The following GLCCI1 variants were observed in gnomAD, a reference collection of about 807,000 sequenced individuals.
GLCCI1 encodes glucocorticoid-induced transcript 1 protein.
A neutral mutation model predicts 52.2 loss-of-function variants in GLCCI1; 24 were observed. The observed-to-expected ratio is 0.46, with a 90% CI of 0.33 to 0.65. GLCCI1 has a LOEUF of 0.65. Ranked by LOEUF, GLCCI1 falls within the 30% of genes least tolerant of loss-of-function variation. GLCCI1 has a pLI of 0.02. For synonymous variants in GLCCI1, 310 were observed against 276.5 expected (o/e 1.12, Z -1.20); for missense variants, 704 against 701.5 (o/e 1.00, Z -0.04).
rs56765271 is a variant in GLCCI1, at chr7:8,080,862, A to G, written c.1178-4035A>G. 3.8e-3 allele frequency among the ~76,000 whole-genome samples: 519 copies of G among 135,460 alleles called. 3 individuals are homozygous for G. The highest frequency in any genetic ancestry group is 0.013 in the African/African-American group (483 of 36,174). 88.9% of individuals were successfully genotyped at this position (135,460 alleles called of 152,430 possible). The stretch of plus-strand genomic sequence containing the variant: ...TGGGGTTTTTTTTTTTTTTTTGTAG[A>G]GAGGGTTTCCCCATGTTGGCCAGGT... On this transcript the variant is annotated intron_variant, in intron 6 of 7. Coordinates refer to ENST00000223145, the MANE Select transcript of GLCCI1 (RefSeq NM_138426.4).
At chr7:8,071,342 C>T (rs1438038690) in intron 6 of GLCCI1, among the ~76,000 whole-genome samples, 10 of 151,976 alleles carry the variant, frequency 6.6e-5, no homozygotes, top group Non-Finnish European at 1.5e-4. Flanking sequence ...AGAAGCACAG[C>T]GCATGGTTCT....
At chr7:8,049,454 T>A (rs911870782) in intron 3 of GLCCI1, among the ~76,000 whole-genome samples, 1 of 152,088 alleles carries the variant, frequency 6.6e-6, no homozygotes, top group African/African-American at 2.4e-5. Flanking sequence ...TAAAAATACA[T>A]ATATTATTTA....
intron 6 of GLCCI1, among the ~76,000 whole-genome samples, chr7:8,074,482 A>C (rs1290673613): frequency 6.6e-6 from 1 of 152,202 alleles, no homozygotes; most frequent in East Asian, 1.9e-4. Flanking sequence ...TCAGGAGTTA[A>C]AGACCAGCCT....
intron 5 of GLCCI1, among the ~76,000 whole-genome samples, chr7:8,068,066 T>A (rs925503191): frequency 1.3e-5 from 2 of 152,108 alleles, no homozygotes; most frequent in Admixed American, 6.5e-5. Context: ...TTAAAAAAAA[T>A]TTTGGCTAGG....
At chr7:7,995,509 C>T (rs1246468223) in intron 1 of GLCCI1, among the ~76,000 whole-genome samples, 1 of 152,142 alleles carries the variant, frequency 6.6e-6, no homozygotes, top group Non-Finnish European at 1.5e-5. Context: ...CCCAAATGTC[C>T]ATCAATGATA....
At chr7:8,013,510 A>T (rs1781312376) in intron 2 of GLCCI1, among the ~76,000 whole-genome samples, 1 of 152,168 alleles carries the variant, frequency 6.6e-6, no homozygotes, top group Non-Finnish European at 1.5e-5. Context: ...TTGTATGGCT[A>T]GTCTTGCGTA....
chr7:7,971,994 A>G (rs1412655504), intron 1 of GLCCI1, among the ~76,000 whole-genome samples: 1 of 152,092 alleles, frequency 6.6e-6, no homozygotes, highest in Non-Finnish European at 1.5e-5. Context: ...CCGTGATTAT[A>G]TTACTCCTAT....
At chr7:7,999,078 C>T (rs1372545852) in intron 1 of GLCCI1, among the ~76,000 whole-genome samples, 1 of 151,778 alleles carries the variant, frequency 6.6e-6, no homozygotes, top group Non-Finnish European at 1.5e-5. Context: ...CCAATAGGGA[C>T]ACTTAGTAAA....
intron 3 of GLCCI1, among the ~76,000 whole-genome samples, chr7:8,039,479 C>A (rs770185660): frequency 6.6e-6 from 1 of 152,102 alleles, no homozygotes; most frequent in South Asian, 2.1e-4. Context: ...GAAATCATGT[C>A]TTTTGTAGCA....
intron 5 of GLCCI1, among the ~76,000 whole-genome samples, chr7:8,066,728 G>A (rs1782639269): frequency 6.6e-6 from 1 of 151,770 alleles, no homozygotes; most frequent in Admixed American, 6.6e-5. Context: ...AATTTTTATT[G>A]TACTGTGGTC....
At chr7:8,066,796 T>G (rs922462693) in intron 5 of GLCCI1, among the ~76,000 whole-genome samples, 3 of 152,176 alleles carry the variant, frequency 2.0e-5, no homozygotes, top group African/African-American at 7.2e-5. Flanking sequence ...TTGTTTTATG[T>G]CCATTCGTGT....
chr7:7,985,096 T>C (rs144739529), intron 1 of GLCCI1, among the ~76,000 whole-genome samples: 303 of 152,358 alleles, frequency 2.0e-3, no homozygotes, highest in African/African-American at 6.9e-3. Flanking sequence ...GAGCAGTAAG[T>C]AAGCATAATT....
At chr7:7,974,093 GGTT>G in intron 1 of GLCCI1, among the ~76,000 whole-genome samples, 1 of 152,030 alleles carries the variant, frequency 6.6e-6, no homozygotes, top group Non-Finnish European at 1.5e-5. Context: ...TAAAGAGACA[GGTT>G]TCACATACTG....
chr7:8,037,903 A>G (rs1781902437), intron 3 of GLCCI1, among the ~76,000 whole-genome samples: 1 of 152,260 alleles, frequency 6.6e-6, no homozygotes, highest in Non-Finnish European at 1.5e-5. Context: ...AGATACTGCT[A>G]TACTTAAGAA....
intron 3 of GLCCI1, among the ~76,000 whole-genome samples, chr7:8,052,563 A>G (rs1782282606): frequency 6.6e-6 from 1 of 152,202 alleles, no homozygotes; most frequent in African/African-American, 2.4e-5. Context: ...GACCTTAACT[A>G]CTGTGTGTAA....
At chr7:7,981,458 G>T in intron 1 of GLCCI1, 1 of 198,074 alleles carries the variant, frequency 5.0e-6, no homozygotes, top group Non-Finnish European at 1.0e-5. Flanking sequence ...AAGTAGCTGG[G>T]ACTACAGGCG....
In GLCCI1 at chr7:8,088,510, A is replaced by G. The variant is rs934159326; in HGVS notation, c.*1972A>G. On this transcript the variant is annotated 3_prime_UTR_variant, in exon 8 of 8. Transcript: ENST00000223145. Reference sequence around the variant, plus strand: ...AATAATCTCAGGCCTTGATGAAAATACTATATTTTGTAGATTATGGTTAAA... The same window carrying G: ...AATAATCTCAGGCCTTGATGAAAATGCTATATTTTGTAGATTATGGTTAAA... The G allele has an allele frequency of 6.6e-6, 1 of 152,618 alleles. No individual in the cohort carries two copies. The highest frequency in any genetic ancestry group is 2.4e-5 in the African/African-American group (1 of 41,440). 9.5% of individuals were successfully genotyped at this position (152,618 alleles called of 1,614,324 possible).
At chr7:7,979,276 TA>T (rs147777396) in intron 1 of GLCCI1, among the ~76,000 whole-genome samples, 1 of 151,902 alleles carries the variant, frequency 6.6e-6, no homozygotes, top group African/African-American at 2.4e-5. Flanking sequence ...TCTTAGTTTG[TA>T]AAAAAAACGC....
intron 5 of GLCCI1, among the ~76,000 whole-genome samples, chr7:8,064,469 C>T (rs2079853): frequency 0.4 from 61,018 of 151,916 alleles, 12,452 homozygotes; most frequent in Middle Eastern, 0.51. Context: ...TATATGTCTG[C>T]TTTTGTACCA....
Sources: allele counts gnomAD v4.1 joint callset (sites outside exome capture counted in the v4.1 genomes callset), GRCh38; gene constraint gnomAD v4.1.1; transcripts MANE v1.5; gene names NCBI Gene and HGNC (gene_info 2026-07-23, HGNC 2026-07-21).